The following IGF2BP2 variants were observed in gnomAD, a reference collection of about 807,000 sequenced individuals.
IGF2BP2 encodes insulin-like growth factor 2 mRNA-binding protein 2.
A neutral mutation model predicts 75.8 loss-of-function variants in IGF2BP2; 17 were observed. The observed-to-expected ratio is 0.22, with a 90% confidence interval of 0.15 to 0.34. The LOEUF (loss-of-function observed/expected upper bound fraction) is 0.34. IGF2BP2 is among the 10% of genes least tolerant of loss of function. IGF2BP2 has a pLI of 1.00. For synonymous variants in IGF2BP2, 288 were observed against 295.6 expected, an observed-to-expected ratio of 0.97 and a Z score of 0.26; for missense variants, 516 against 772.4, an observed-to-expected ratio of 0.67 and a Z score of 3.93.
At chr3:185,650,671 C>T (rs992813669) in intron 13 of IGF2BP2, among the ~76,000 whole-genome samples, 6 of 151,086 alleles carry the variant, frequency 4.0e-5, no homozygotes, top group East Asian at 1.9e-4. Context: ...AGGGAGACTC[C>T]GTCTCAAAAA....
intron 2 of IGF2BP2, among the ~76,000 whole-genome samples, chr3:185,793,419 T>C (rs2149877338): frequency 6.6e-6 from 1 of 152,226 alleles, no homozygotes; most frequent in Admixed American, 6.5e-5. Context: ...CACGCCAAGC[T>C]GCCTATACCT....
intron 2 of IGF2BP2, among the ~76,000 whole-genome samples, chr3:185,801,520 C>T (rs1039554106): frequency 7.5e-6 from 1 of 133,730 alleles, no homozygotes; most frequent in African/African-American, 2.8e-5. Flanking sequence ...AGTCAGGAAA[C>T]AACAGATGCT....
At chr3:185,749,660 G>A (rs752596747) in intron 2 of IGF2BP2, among the ~76,000 whole-genome samples, 2 of 152,102 alleles carry the variant, frequency 1.3e-5, no homozygotes, top group Admixed American at 6.5e-5. Context: ...AACTTCTTCC[G>A]CTGGGTAATT....
At position 185,688,748 on chromosome 3, in the gene IGF2BP2, C is replaced by T. The variant is rs1056277754; in HGVS notation, c.677+607G>A. ...ACCATTTAAAGTGCTACAACTTGAA[C>T]GTAAGTCTTTGTTTTCAAGTCCCGA... On this transcript the variant is annotated intron_variant, in intron 6 of 15. Coordinates refer to ENST00000382199, the MANE Select transcript of IGF2BP2 (RefSeq NM_006548.6). Among the ~76,000 whole-genome samples the T allele has an allele frequency of 2.6e-5, 4 of 152,168 alleles. No homozygotes were observed. The East Asian group carries it at 7.7e-4, about 29-fold the overall frequency.
chr3:185,729,798 T>G (rs1452192480), intron 2 of IGF2BP2: 1 of 152,222 alleles, frequency 6.6e-6, no homozygotes, highest in Non-Finnish European at 1.5e-5. Context: ...CATATCTGGA[T>G]GAACCCAGAT....
intron 2 of IGF2BP2, among the ~76,000 whole-genome samples, chr3:185,740,887 ATTTAT>A (rs1729459638): frequency 6.6e-6 from 1 of 152,028 alleles, no homozygotes; most frequent in Non-Finnish European, 1.5e-5. Context: ...TATTTTACTT[ATTTAT>A]TTTGAGACGG....
At chr3:185,751,394 A>G (rs893971831) in intron 2 of IGF2BP2, among the ~76,000 whole-genome samples, 5 of 151,876 alleles carry the variant, frequency 3.3e-5, no homozygotes, top group African/African-American at 1.2e-4. Flanking sequence ...CCTGACCAAC[A>G]TGGTAAAACC....
At position 185,698,058 on chromosome 3, in the gene IGF2BP2, G is replaced by C. The variant is rs74876778; in HGVS notation, c.288+241C>G. On this transcript the variant is annotated intron_variant, in intron 3 of 15. Coordinates refer to ENST00000382199, the MANE Select transcript of IGF2BP2 (RefSeq NM_006548.6). ...ATTTTGTTTCTTGGCTTATTTGCTG[G>C]TGCTTGGTAGCATGGTACTTGAAAA... Among the ~76,000 whole-genome samples, 130 of 152,274 alleles carry C rather than the reference G, an allele frequency of 8.5e-4. 2 individuals carry two copies. The East Asian group carries it at 0.012, about 14-fold the overall frequency.
intron 2 of IGF2BP2, among the ~76,000 whole-genome samples, chr3:185,807,108 A>G (rs879928497): frequency 1.3e-5 from 2 of 152,222 alleles, no homozygotes; most frequent in Non-Finnish European, 2.9e-5. Flanking sequence ...GAAAAGTAAC[A>G]AACAACTTTA....
In IGF2BP2 at chr3:185,658,381, T is replaced by C; in HGVS notation, c.1229A>G (p.Tyr410Cys). Residue 410 changes from tyrosine (Y) to cysteine (C), a missense_variant, in exon 11 of 16, where the codon TAC becomes TGC. By Grantham distance (194) the Tyr-to-Cys change is radical. Transcript: ENST00000382199. ...GAACGGGCCAAACTGGTGATGGGGG[T>C]ACAGGCTGGAGAAGTATCCGGAGTG... The part of the protein sequence containing the change: ...TTHSGYFSSL[Y>C]PHHQFGPFPH... 3.1e-6 allele frequency: 5 copies of C among 1,613,496 alleles called. No homozygotes were observed. The highest frequency in any genetic ancestry group is 4.2e-6 in the Non-Finnish European group (5 of 1,179,758).
rs1389284930 is a variant in IGF2BP2, at chr3:185,770,924, C to CT, written c.239+52228dup. 2.0e-5 allele frequency among the ~76,000 whole-genome samples: 3 copies of CT among 152,186 alleles called. No individual in the cohort carries two copies. The East Asian group carries it at 5.8e-4, about 30-fold the overall frequency. ...CATGACCACATCTGGCTAATTTATCCTTTTTTGGTAGAGAGGGAGACTCAC... is the reference window on the plus strand; with the variant it reads ...CATGACCACATCTGGCTAATTTATCCTTTTTTTGGTAGAGAGGGAGACTCAC... On this transcript the variant is annotated intron_variant, in intron 2 of 15. Transcript: ENST00000382199.
intron 2 of IGF2BP2, among the ~76,000 whole-genome samples, chr3:185,789,356 G>A (rs1299002526): frequency 6.6e-6 from 1 of 152,080 alleles, no homozygotes; most frequent in Non-Finnish European, 1.5e-5. Context: ...ACAAACACAT[G>A]ACCTAGGCTA....
At chr3:185,696,776 A>G in intron 3 of IGF2BP2, 113 bp from the exon 4 acceptor site, 1 of 852,568 alleles carries the variant, frequency 1.2e-6, no homozygotes, top group Non-Finnish European at 1.9e-6. Flanking sequence ...TGGTTATAGG[A>G]ATAATCTAAT....
At position 185,689,594 on chromosome 3, in the gene IGF2BP2, C is replaced by G. The variant is rs769270600; in HGVS notation, c.438G>C (p.Glu146Asp). The G allele has an allele frequency of 1.2e-6, 2 of 1,614,158 alleles. No individual in the cohort carries two copies. The highest frequency in any genetic ancestry group is 2.2e-5 in the South Asian group (2 of 91,082). Reference protein sequence around the residue: ...AMEKLSGHQFENYSFKISYIP... With the variant: ...AMEKLSGHQFDNYSFKISYIP... ...TGTAGGAAATCTTGAAGGAGTAGTTCTCAAACTGATGCCCGCTTAGCTTCT... is the reference window on the plus strand; with the variant it reads ...TGTAGGAAATCTTGAAGGAGTAGTTGTCAAACTGATGCCCGCTTAGCTTCT... The change falls in exon 6 of 16, where the codon GAG becomes GAC. Residue 146 changes from glutamate to aspartate, a missense_variant. Glu to Asp is a conservative substitution (Grantham distance 45, BLOSUM62 2). Coordinates refer to ENST00000382199, the MANE Select transcript of IGF2BP2 (RefSeq NM_006548.6).
intron 1 of IGF2BP2, among the ~76,000 whole-genome samples, chr3:185,824,437 C>T (rs1417375219): frequency 8.1e-6 from 1 of 123,932 alleles, no homozygotes; most frequent in East Asian, 2.3e-4. Context: ...AGACAGGGGA[C>T]GCTCAAAGGG....
intron 10 of IGF2BP2, among the ~76,000 whole-genome samples, chr3:185,666,328 G>A (rs1717620189): frequency 1.3e-5 from 2 of 152,170 alleles, no homozygotes; most frequent in Admixed American, 1.3e-4. Context: ...ATGCGGTTGT[G>A]TATTTATTAA....
At position 185,665,489 on chromosome 3, in the gene IGF2BP2, A is replaced by AG. The variant is rs1717356046; in HGVS notation, c.1200+7051dup. ...AAGAAGAAGAAGGAGAAGAAGGAGG[A>AG]GAAGGAGGAGGAGAAGGAGGAGGAG... On this transcript the variant is annotated intron_variant, in intron 10 of 15. Transcript: ENST00000382199. Among the ~76,000 whole-genome samples, 5 of 81,498 alleles carry AG rather than the reference A, an allele frequency of 6.1e-5. 1 individual carries two copies. The highest frequency in any genetic ancestry group is 9.8e-5 in the Non-Finnish European group (4 of 40,778). The allele number at this position is 81,498 out of a possible 152,430, so 53.5% of individuals were successfully genotyped here.
At chr3:185,802,307 C>G (rs1413837367) in intron 2 of IGF2BP2, among the ~76,000 whole-genome samples, 2 of 152,316 alleles carry the variant, frequency 1.3e-5, no homozygotes, top group South Asian at 2.1e-4. Flanking sequence ...GTGTTCTTGA[C>G]TAACCAAGAC....
chr3:185,733,626 C>T (rs949169384), intron 2 of IGF2BP2, among the ~76,000 whole-genome samples: 6 of 152,112 alleles, frequency 3.9e-5, no homozygotes, highest in African/African-American at 1.4e-4. Flanking sequence ...TGTGGTGGCG[C>T]ATGCCTGTAA....
Sources: gnomAD v4.1 joint callset for allele counts (sites outside exome capture counted in the v4.1 genomes callset) on GRCh38, gnomAD v4.1.1 for gene constraint, MANE v1.5 for transcripts, NCBI Gene and HGNC (gene_info 2026-07-23, HGNC 2026-07-21) for gene names.